Variants in PLCB4 observed in about 807,000 individuals in gnomAD.
PLCB4 encodes phospholipase C beta 4, also known as 1-phosphatidylinositol 4,5-bisphosphate phosphodiesterase beta-4.
A neutral mutation model predicts 178.8 loss-of-function variants in PLCB4; 77 were observed. The ratio of observed to expected loss-of-function variants is 0.43; its 90% CI spans 0.36 to 0.52. PLCB4 has a LOEUF of 0.52. PLCB4 is among the 20% of genes least tolerant of loss of function. PLCB4 has a pLI of 0.00. For missense variants in PLCB4, 1,024 were observed against 1,453.4 expected (o/e 0.70, Z 4.80); for synonymous variants, 496 against 490.8 (o/e 1.01, Z -0.14).
chr20:9,391,614 C>T lies in PLCB4; in HGVS notation c.1323+999C>T, dbSNP rs73246701. Among the ~76,000 whole-genome samples the T allele has an allele frequency of 5.8e-3, 886 of 152,292 alleles. 8 individuals are homozygous for T. Among genetic ancestry groups the T allele is most frequent in the African/African-American group, 0.02 (842 of 41,546 alleles). ...CCTTTGTCCCCCTTCCTTCTTCCCT[C>T]GAACTTGCAGAAGCAGTTGCTGCAG... On this transcript the variant is annotated intron_variant, in intron 17 of 39. Transcript: ENST00000378473.
chr20:9,467,948 A>G (rs555132575), intron 35 of PLCB4, among the ~76,000 whole-genome samples: 1 of 152,264 alleles, frequency 6.6e-6, no homozygotes, highest in South Asian at 2.1e-4. Context: ...GCATTCCCAC[A>G]TGCAGTGGTT....
chr20:9,181,223 T>C (rs1443622887), intron 2 of PLCB4, among the ~76,000 whole-genome samples: 1 of 152,160 alleles, frequency 6.6e-6, no homozygotes, highest in East Asian at 1.9e-4. Flanking sequence ...ACCTCCCAAA[T>C]GGTGCTGATC....
chr20:9,082,909 G>A (rs1488654310), intron 1 of PLCB4, among the ~76,000 whole-genome samples: 4 of 152,138 alleles, frequency 2.6e-5, no homozygotes, highest in Non-Finnish European at 5.9e-5. Flanking sequence ...TCCTGGCAGT[G>A]GCTCTGCCAG....
At chr20:9,477,773 A>G (rs79668518) in intron 39 of PLCB4, among the ~76,000 whole-genome samples, 45 of 152,302 alleles carry the variant, frequency 3.0e-4, no homozygotes, top group African/African-American at 1.0e-3. Flanking sequence ...GCCAAAATAT[A>G]GAAGTAAGAA....
chr20:9,359,750 G>A (rs1393286817), intron 7 of PLCB4, among the ~76,000 whole-genome samples: 1 of 152,136 alleles, frequency 6.6e-6, no homozygotes, highest in Non-Finnish European at 1.5e-5. Context: ...ATTACCACAC[G>A]AGCTTATTTT....
At chr20:9,094,067 A>T (rs777014543) in intron 1 of PLCB4, among the ~76,000 whole-genome samples, 3 of 152,086 alleles carry the variant, frequency 2.0e-5, no homozygotes, top group Non-Finnish European at 2.9e-5. Flanking sequence ...TTCCTCTTGG[A>T]TGTTGGCATT....
Position 9,277,443 on chromosome 20 carries a change from G to A in PLCB4, c.-15-30357G>A, listed in dbSNP as rs534413567. Among the ~76,000 whole-genome samples, 3 of 152,112 alleles carry A rather than the reference G, an allele frequency of 2.0e-5. No homozygotes were observed. In the South Asian group the frequency reaches 6.2e-4, roughly 32 times the overall value. ...CTGAGTTCTTAGAGCCTCAGCTCAT[G>A]CAGCTTTCCTGCTTGGGTATATGGG... On this transcript the variant is annotated intron_variant, in intron 3 of 39. Transcript: ENST00000378473.
At chr20:9,137,673 A>G (rs1383729609) in intron 2 of PLCB4, among the ~76,000 whole-genome samples, 1 of 152,058 alleles carries the variant, frequency 6.6e-6, no homozygotes, top group East Asian at 1.9e-4. Flanking sequence ...CTAATTTTAG[A>G]TAAGTAAGTA....
At chr20:9,475,541 A>G (rs1351778121) in intron 38 of PLCB4, among the ~76,000 whole-genome samples, 3 of 152,214 alleles carry the variant, frequency 2.0e-5, no homozygotes, top group Non-Finnish European at 2.9e-5. Context: ...AAAGCATAGA[A>G]CATGAAAAGG....
chr20:9,213,199 G>A (rs1458118939), intron 2 of PLCB4, among the ~76,000 whole-genome samples: 2 of 126,228 alleles, frequency 1.6e-5, no homozygotes, highest in African/African-American at 7.2e-5. Flanking sequence ...GAGGGCAGTG[G>A]TGCAGTGCAA....
At chr20:9,191,727 A>G (rs1601030339) in intron 2 of PLCB4, among the ~76,000 whole-genome samples, 1 of 152,168 alleles carries the variant, frequency 6.6e-6, no homozygotes, top group East Asian at 1.9e-4. Flanking sequence ...TCTATAATAC[A>G]CAGACTACTT....
intron 4 of PLCB4, among the ~76,000 whole-genome samples, chr20:9,312,203 TTCCCACATCATAAA>T (rs1217571975): frequency 6.6e-6 from 1 of 152,086 alleles, no homozygotes; most frequent in African/African-American, 2.4e-5. Context: ...GACCTCGTCT[TTCCCACATCATAAA>T]TCCCAGCTCG....
chr20:9,433,223 C>G lies in PLCB4; in HGVS notation c.2525-2337C>G, dbSNP rs116417627. Among the ~76,000 whole-genome samples, 1,423 of 152,298 alleles carry G rather than the reference C, an allele frequency of 9.3e-3. 30 individuals carry two copies. Among genetic ancestry groups the G allele is most frequent in the African/African-American group, 0.032 (1,349 of 41,554 alleles). ...TTAGCGTCACAAATGGGACAACCAGCCTTTATGTCCCTCAATGTGATGCAT... is the reference window on the plus strand; with the variant it reads ...TTAGCGTCACAAATGGGACAACCAGGCTTTATGTCCCTCAATGTGATGCAT... On this transcript the variant is annotated intron_variant, in intron 28 of 39. Transcript: ENST00000378473.
At chr20:9,217,907 T>C (rs944216399) in intron 3 of PLCB4, among the ~76,000 whole-genome samples, 1 of 152,206 alleles carries the variant, frequency 6.6e-6, no homozygotes, top group African/African-American at 2.4e-5. Flanking sequence ...CAGGGGATGA[T>C]GTAAATAAAT....
chr20:9,265,507 A>G (rs545298385), intron 3 of PLCB4, among the ~76,000 whole-genome samples: 1 of 152,170 alleles, frequency 6.6e-6, no homozygotes, highest in East Asian at 1.9e-4. Context: ...AAACAAAACA[A>G]AAACAAGCAA....
chr20:9,203,964 A>AATCTGCC (rs2093584573), intron 2 of PLCB4, among the ~76,000 whole-genome samples: 1 of 151,712 alleles, frequency 6.6e-6, no homozygotes, highest in Non-Finnish European at 1.5e-5. Context: ...TATTTCTTAA[A>AATCTGCC]ATCTGCCATT....
chr20:9,390,693 G>T, intron 17 of PLCB4, 78 bp downstream of exon 17: 1 of 691,842 alleles, frequency 1.4e-6, no homozygotes. Context: ...AGTAGTACTA[G>T]AGGACTAATG....
intron 4 of PLCB4, among the ~76,000 whole-genome samples, chr20:9,309,756 C>T (rs1402895827): frequency 6.6e-6 from 1 of 152,174 alleles, no homozygotes; most frequent in East Asian, 1.9e-4. Context: ...TACTTGACAA[C>T]AGTGAAATGT....
chr20:9,069,371 G>A (rs1225261875), intron 1 of PLCB4, among the ~76,000 whole-genome samples, 165 bp downstream of exon 1: 2 of 152,102 alleles, frequency 1.3e-5, no homozygotes, highest in African/African-American at 4.8e-5. Flanking sequence ...CTGTGCGCGC[G>A]GGAGGCAGGG....
Sources: gnomAD v4.1 joint callset for allele counts (sites outside exome capture counted in the v4.1 genomes callset) on GRCh38, gnomAD v4.1.1 for gene constraint, MANE v1.5 for transcripts, NCBI Gene and HGNC (gene_info 2026-07-23, HGNC 2026-07-21) for gene names.